ZNF81: variants seen among roughly 807,000 people sequenced by gnomAD.
ZNF81 encodes the protein zinc finger protein 81 (HFZ20).
ZNF81 carries 5 observed loss-of-function variants against 32.3 expected under a neutral mutation model. That is an observed-to-expected ratio of 0.15 (90% CI 0.08 to 0.33). The LOEUF (loss-of-function observed/expected upper bound fraction) is 0.33, where lower values mean the gene tolerates loss of function less well. ZNF81 is among the 10% of genes least tolerant of loss of function. The pLI is 1.00. For missense variants in ZNF81, 379 were observed against 479.8 expected, an observed-to-expected ratio of 0.79 and a Z score of 1.96; for synonymous variants, 163 against 166.8, an observed-to-expected ratio of 0.98 and a Z score of 0.17.
intron 4 of ZNF81, among the ~76,000 whole-genome samples, chrX:47,903,742 C>T (rs1455534588): frequency 4.1e-5 from 4 of 98,705 alleles, no homozygotes; most frequent in African/African-American, 1.5e-4. Flanking sequence ...AAAAAGAGCC[C>T]GCATCGCCAA....
At chrX:47,858,917 C>T (rs1205324910) in intron 2 of ZNF81, among the ~76,000 whole-genome samples, 2 of 109,333 alleles carry the variant, frequency 1.8e-5, no homozygotes, top group African/African-American at 6.7e-5. Context: ...ATGGTGAAAC[C>T]CCGTCTCTAC....
intron 3 of ZNF81, among the ~76,000 whole-genome samples, chrX:47,892,375 G>A (rs2058665624): frequency 8.9e-6 from 1 of 112,245 alleles, no homozygotes; most frequent in Non-Finnish European, 1.9e-5. Flanking sequence ...CTTCAAGGAT[G>A]CTCGGGCTCC....
chrX:47,915,851 A>G lies in ZNF81; in HGVS notation c.1205A>G (p.Asn402Ser). 1 of 1,210,563 alleles carries G rather than the reference A, an allele frequency of 8.3e-7. No individual in the cohort carries two copies. Among genetic ancestry groups the G allele is most frequent in the African/African-American group, 1.7e-5 (1 of 57,800 alleles). ...GKGFSLNSALNIHQKIHTGER... is the reference protein window; with the variant it reads ...GKGFSLNSALSIHQKIHTGER... ...GGCTTCTCCCTGAACTCAGCCCTCA[A>G]TATACATCAGAAAATTCACACTGGA... The change falls in exon 5 of 5, where the codon AAT becomes AGT. Residue 402 changes from asparagine to serine, a missense_variant. This residue lies in a region of ZNF81 where 277 missense variants were observed against 306.6 expected (regional missense o/e 0.90). Coordinates refer to ENST00000338637, the MANE Select transcript of ZNF81 (RefSeq NM_007137.5).
chrX:47,856,747 C>G (rs1259856998), intron 2 of ZNF81, among the ~76,000 whole-genome samples: 1 of 111,193 alleles, frequency 9.0e-6, no homozygotes, highest in African/African-American at 3.3e-5. Flanking sequence ...GATTTCTAGA[C>G]CAGCCTGGCC....
chrX:47,881,124 A>G (rs1425969892), intron 2 of ZNF81, among the ~76,000 whole-genome samples: 2 of 112,228 alleles, frequency 1.8e-5, no homozygotes, highest in African/African-American at 6.5e-5. Context: ...TGAAGGAAAC[A>G]AAAAGATAAA....
At chrX:47,881,457 C>G (rs2058620399) in intron 2 of ZNF81, among the ~76,000 whole-genome samples, 1 of 112,094 alleles carries the variant, frequency 8.9e-6, no homozygotes, top group African/African-American at 3.2e-5. Flanking sequence ...GCCACCGGCC[C>G]CAGATAGTCG....
At chrX:47,888,210 A>G in intron 3 of ZNF81, 85 bp downstream of exon 3, 2 of 1,111,420 alleles carry the variant, frequency 1.8e-6, no homozygotes, top group Non-Finnish European at 2.4e-6. Context: ...AAGTCCTAAT[A>G]CCCCAGCCCC....
At chrX:47,841,179 C>G (rs1460249710) in intron 1 of ZNF81, 5 of 777,040 alleles carry the variant, frequency 6.4e-6, no homozygotes, top group African/African-American at 4.1e-5. Flanking sequence ...TCCCCAGGTG[C>G]TCCTCAATCA....
chrX:47,859,704 A>C (rs1362179916), intron 2 of ZNF81, among the ~76,000 whole-genome samples: 1 of 111,734 alleles, frequency 8.9e-6, no homozygotes, highest in South Asian at 3.8e-4. Flanking sequence ...CTGGCAAAAG[A>C]GATATGAAAC....
At chrX:47,873,402 A>G (rs2058587598) in intron 2 of ZNF81, among the ~76,000 whole-genome samples, 1 of 110,676 alleles carries the variant, frequency 9.0e-6, no homozygotes, top group African/African-American at 3.3e-5. Flanking sequence ...CACCCCTGAA[A>G]CTCCCTCAAT....
In ZNF81 at chrX:47,915,881, G is replaced by A; in HGVS notation, c.1235G>A (p.Arg412Lys). 1 of 1,209,585 alleles carries A rather than the reference G, an allele frequency of 8.3e-7. No homozygotes were observed. Among genetic ancestry groups the A allele is most frequent in the Non-Finnish European group, 1.1e-6 (1 of 894,485 alleles). Residue 412 changes from arginine (R) to lysine (K), a missense_variant, in exon 5 of 5, where the codon AGA (arginine) becomes AAA (lysine). Arg to Lys is a conservative substitution (Grantham distance 26). This residue lies in a region of ZNF81 where 277 missense variants were observed against 306.6 expected (regional missense o/e 0.90). Transcript: ENST00000338637. ...NIHQKIHTGE[R>K]HHKCSECGKA... ...CATCAGAAAATTCACACTGGAGAGA[G>A]ACATCACAAATGCAGTGAGTGTGGG... is the stretch of plus-strand genomic sequence containing the variant.
rs191945457 is a variant in ZNF81 at position 47,925,218 on chromosome X, G to A, written c.*8586G>A. 2.7e-5 allele frequency among the ~76,000 whole-genome samples: 3 copies of A among 111,433 alleles called. No individual in the cohort carries two copies. The East Asian group carries it at 8.4e-4, about 31-fold the overall frequency. On this transcript the variant is annotated 3_prime_UTR_variant, in exon 5 of 5. Transcript: ENST00000338637. ...TGTACAATTTGATGAGTTTTGACGT[G>A]TGCACCTTTCCAACCATCATGACAA... is the stretch of plus-strand genomic sequence containing the variant.
At chrX:47,842,508 T>G (rs982830892) in intron 1 of ZNF81, 4 of 111,994 alleles carry the variant, frequency 3.6e-5, no homozygotes, top group Non-Finnish European at 7.5e-5. Flanking sequence ...TCCTGAGGTC[T>G]GCAAGCTGTC....
intron 2 of ZNF81, among the ~76,000 whole-genome samples, chrX:47,868,809 A>C: frequency 9.1e-6 from 1 of 109,961 alleles, no homozygotes; most frequent in East Asian, 2.9e-4. Flanking sequence ...GGGAAGGCTC[A>C]AGGGATACAT....
At chrX:47,883,475 G>T (rs1005036181) in intron 2 of ZNF81, among the ~76,000 whole-genome samples, 1 of 112,120 alleles carries the variant, frequency 8.9e-6, no homozygotes, top group South Asian at 3.6e-4. Context: ...CCATGCTTAC[G>T]TCAAGGTTGC....
chrX:47,911,680 A>T (rs2058739868), intron 4 of ZNF81, among the ~76,000 whole-genome samples: 1 of 111,807 alleles, frequency 8.9e-6, no homozygotes. Flanking sequence ...CCAAATATTT[A>T]AAAGTTTACC....
intron 2 of ZNF81, among the ~76,000 whole-genome samples, chrX:47,884,985 A>G (rs2058635937): frequency 8.9e-6 from 1 of 111,805 alleles, no homozygotes; most frequent in South Asian, 3.8e-4. Flanking sequence ...AAGGACCCAG[A>G]GTGTGGAACC....
chrX:47,897,748 A>G (rs2058684631), intron 4 of ZNF81, among the ~76,000 whole-genome samples: 2 of 112,044 alleles, frequency 1.8e-5, no homozygotes, highest in Non-Finnish European at 3.8e-5. Flanking sequence ...CATTTGTTGA[A>G]GGGGCTTTCT....
At chrX:47,850,020 T>A (rs2148006897) in intron 2 of ZNF81, among the ~76,000 whole-genome samples, 1 of 111,982 alleles carries the variant, frequency 8.9e-6, no homozygotes, top group South Asian at 3.7e-4. Flanking sequence ...GGAGCACTGC[T>A]CATGAGAATG....
Sources: allele counts gnomAD v4.1 joint callset (sites outside exome capture counted in the v4.1 genomes callset), GRCh38; gene constraint gnomAD v4.1.1; regional missense constraint gnomAD v4.1.1; transcripts MANE v1.5; gene names NCBI Gene and HGNC (gene_info 2026-07-23, HGNC 2026-07-21).